The following PCBD2 variants were observed in gnomAD, a reference collection of about 807,000 sequenced individuals.
The protein encoded by PCBD2 is pterin-4 alpha-carbinolamine dehydratase 2.
PCBD2 carries 12 observed loss-of-function variants against 16.4 expected under a neutral mutation model. That is an observed-to-expected ratio of 0.73 (90% confidence interval 0.47 to 1.19). PCBD2 has a LOEUF of 1.19. PCBD2 is among the 50% of genes most tolerant of loss of function. PCBD2 has a pLI of 0.00. For missense variants in PCBD2, 138 were observed against 156.8 expected (o/e 0.88, Z 0.64); for synonymous variants, 58 against 61.8 (o/e 0.94, Z 0.29).
chr5:134,924,710 T>G (rs1198550068), intron 2 of PCBD2: 1 of 395,586 alleles, frequency 2.5e-6, no homozygotes, highest in Non-Finnish European at 4.5e-6. Context: ...TAAAGTTTGA[T>G]TATGCCTTTT....
At chr5:134,909,919 A>G (rs972266974) in intron 1 of PCBD2, among the ~76,000 whole-genome samples, 2 of 152,080 alleles carry the variant, frequency 1.3e-5, no homozygotes, top group African/African-American at 2.4e-5. Flanking sequence ...AAATACAAAA[A>G]ATTAGTTGGG....
At chr5:134,946,342 C>T (rs548403987) in intron 2 of PCBD2, among the ~76,000 whole-genome samples, 7 of 152,200 alleles carry the variant, frequency 4.6e-5, no homozygotes, top group East Asian at 1.9e-4. Flanking sequence ...ACTTATGAGA[C>T]GGTTTCTTTG....
chr5:134,953,056 T>C (rs576757682), intron 2 of PCBD2, among the ~76,000 whole-genome samples: 48 of 151,936 alleles, frequency 3.2e-4, no homozygotes, highest in Non-Finnish European at 6.5e-4. Context: ...CATTTGCTTA[T>C]GTGCTTTTAT....
At chr5:134,953,977 A>G (rs1305523142) in intron 2 of PCBD2, among the ~76,000 whole-genome samples, 1 of 152,140 alleles carries the variant, frequency 6.6e-6, no homozygotes, top group East Asian at 1.9e-4. Flanking sequence ...TTAATCAGAT[A>G]CAGAGTCTTG....
chr5:134,960,602 C>A lies in PCBD2; in HGVS notation c.314C>A (p.Thr105Asn). ...NVYNKVQITL[T>N]SHDCGELTKK... ...TTTTCTTAGGTCCAGATAACTCTCA[C>A]CTCACATGACTGTGGTGAACTGACC... Residue 105 changes from threonine to asparagine, a missense_variant, in exon 4 of 4, where the codon ACC (threonine) becomes AAC (asparagine). By Grantham distance (65) the Thr-to-Asn change is moderately conservative. Coordinates refer to ENST00000254908, the MANE Select transcript of PCBD2 (RefSeq NM_032151.5). The A allele has an allele frequency of 6.2e-7, 1 of 1,610,984 alleles. No homozygotes were observed. The highest frequency in any genetic ancestry group is 8.5e-7 in the Non-Finnish European group (1 of 1,177,852).
chr5:134,926,487 T>A (rs1170682741), intron 2 of PCBD2: 5 of 394,612 alleles, frequency 1.3e-5, no homozygotes, highest in African/African-American at 6.2e-5. Flanking sequence ...GCACCAAAAT[T>A]TTTGGGGCCT....
At chr5:134,914,051 G>T (rs1750799405) in intron 2 of PCBD2, among the ~76,000 whole-genome samples, 1 of 152,148 alleles carries the variant, frequency 6.6e-6, no homozygotes, top group East Asian at 1.9e-4. Context: ...TAAGAGGCTG[G>T]AGTTCAGGCT....
intron 2 of PCBD2, chr5:134,925,920 G>A (rs570734765): frequency 1.8e-5 from 7 of 392,054 alleles, no homozygotes; most frequent in East Asian, 1.1e-4. Context: ...GGATGAAACC[G>A]ATGTCGCCGA....
intron 1 of PCBD2, among the ~76,000 whole-genome samples, chr5:134,908,127 G>T (rs537600589): frequency 2.4e-4 from 37 of 151,110 alleles, no homozygotes; most frequent in African/African-American, 9.0e-4. Context: ...TCATTGCGTT[G>T]CCCAGGCTAG....
chr5:134,955,528 G>A (rs1368870545), intron 2 of PCBD2, among the ~76,000 whole-genome samples: 1 of 151,690 alleles, frequency 6.6e-6, no homozygotes, highest in African/African-American at 2.4e-5. Context: ...GGATGGTCTC[G>A]ATCTCTTGAC....
Position 134,956,219 on chromosome 5 carries a change from G to A in PCBD2, c.217-2821G>A, listed in dbSNP as rs529310089. Among the ~76,000 whole-genome samples the A allele has an allele frequency of 7.2e-5, 11 of 152,154 alleles. No individual in the cohort carries two copies. The South Asian group carries it at 2.1e-3, about 29-fold the overall frequency. Reference sequence around the variant, plus strand: ...GTATTTTATTAAATGCAAATATTATGTGACAGTTGAAGGGAAATATGCAAA... The same window carrying A: ...GTATTTTATTAAATGCAAATATTATATGACAGTTGAAGGGAAATATGCAAA... On this transcript the variant is annotated intron_variant, in intron 2 of 3. Transcript: ENST00000254908.
At chr5:134,951,502 A>G (rs544035402) in intron 2 of PCBD2, among the ~76,000 whole-genome samples, 2 of 152,280 alleles carry the variant, frequency 1.3e-5, no homozygotes, top group African/African-American at 4.8e-5. Context: ...ATTTATGAGT[A>G]TGTCTGCAGC....
intron 2 of PCBD2, among the ~76,000 whole-genome samples, chr5:134,941,626 T>A (rs1055417600): frequency 3.9e-5 from 6 of 152,170 alleles, no homozygotes; most frequent in African/African-American, 1.4e-4. Flanking sequence ...GTGAAGCTTC[T>A]AAAAATAAGT....
chr5:134,926,953 C>T (rs948704017), intron 2 of PCBD2: 2 of 398,216 alleles, frequency 5.0e-6, no homozygotes, highest in African/African-American at 4.1e-5. Context: ...GTGAGGCTTG[C>T]TAGAAGTCAT....
chr5:134,905,924 G>A (rs1750682253), intron 1 of PCBD2, among the ~76,000 whole-genome samples: 1 of 152,222 alleles, frequency 6.6e-6, no homozygotes, highest in Admixed American at 6.5e-5. Context: ...CGAGCCCGGA[G>A]TGGAGTGGCG....
chr5:134,932,523 G>A (rs1273423959), intron 2 of PCBD2, among the ~76,000 whole-genome samples: 1 of 152,094 alleles, frequency 6.6e-6, no homozygotes, highest in African/African-American at 2.4e-5. Flanking sequence ...TGTATTTTTA[G>A]TAGCAACATG....
chr5:134,947,123 G>C (rs1751304895), intron 2 of PCBD2, among the ~76,000 whole-genome samples: 1 of 147,612 alleles, frequency 6.8e-6, no homozygotes, highest in Non-Finnish European at 1.5e-5. Context: ...ATGGAGTTTT[G>C]CTCTTGTTGC....
chr5:134,920,397 T>A (rs181142934), intron 2 of PCBD2, among the ~76,000 whole-genome samples: 9 of 152,334 alleles, frequency 5.9e-5, no homozygotes, highest in Admixed American at 5.9e-4. Flanking sequence ...TTTTGTTGTT[T>A]TAGGCGAGAT....
intron 2 of PCBD2, among the ~76,000 whole-genome samples, chr5:134,938,735 A>G (rs73790753): frequency 0.022 from 3,325 of 152,320 alleles, 106 homozygotes; most frequent in African/African-American, 0.069. Context: ...TTTAAAAAAT[A>G]TATACTTAGA....
Sources: gnomAD v4.1 joint callset for allele counts (sites outside exome capture counted in the v4.1 genomes callset) on GRCh38, gnomAD v4.1.1 for gene constraint, MANE v1.5 for transcripts, NCBI Gene and HGNC (gene_info 2026-07-23, HGNC 2026-07-21) for gene names.